PLEKHA5: variants seen among roughly 807,000 people sequenced by gnomAD.
PLEKHA5 encodes pleckstrin homology domain-containing family A member 5.
In PLEKHA5, 55 loss-of-function variants were observed where a neutral mutation model predicts 181.9. The ratio of observed to expected loss-of-function variants is 0.30; its 90% CI spans 0.24 to 0.38. PLEKHA5 has a LOEUF of 0.38. Ranked by LOEUF, PLEKHA5 falls within the 10% of genes least tolerant of loss-of-function variation. The pLI, the probability that PLEKHA5 is intolerant of heterozygous loss-of-function variation, is 1.00. For missense variants in PLEKHA5, 1,432 were observed against 1,549.5 expected (o/e 0.92, Z 1.27); for synonymous variants, 535 against 529.4 (o/e 1.01, Z -0.15).
At position 19,375,638 on chromosome 12, in the gene PLEKHA5, T is replaced by A. The variant is rs1283387531; in HGVS notation, c.*119T>A. The A allele has an allele frequency of 6.6e-6, 1 of 152,664 alleles. No individual in the cohort carries two copies. Among genetic ancestry groups the A allele is most frequent in the Non-Finnish European group, 1.5e-5 (1 of 68,046 alleles). 9.5% of individuals were successfully genotyped at this position (152,664 alleles called of 1,614,324 possible). A position where few individuals can be genotyped will look rare whatever the true frequency, so the allele number is the denominator to read the frequency against. On this transcript the variant is annotated 3_prime_UTR_variant, in exon 32 of 32. Coordinates refer to ENST00000429027, the MANE Select transcript of PLEKHA5 (RefSeq NM_001256470.2). ...AAATCTATGAAATTCATAGTTCTGATGCTTTTGGTCACAGAGCATCATTTT... is the reference window on the plus strand; with the variant it reads ...AAATCTATGAAATTCATAGTTCTGAAGCTTTTGGTCACAGAGCATCATTTT...
intron 15 of PLEKHA5, among the ~76,000 whole-genome samples, chr12:19,296,063 G>A (rs1043563185): frequency 1.3e-5 from 2 of 151,090 alleles, no homozygotes; most frequent in East Asian, 2.0e-4. Context: ...GTGAAACCTC[G>A]TCTCTACTAA....
chr12:19,375,127 C>T (rs2095684777), intron 31 of PLEKHA5, among the ~76,000 whole-genome samples: 1 of 151,882 alleles, frequency 6.6e-6, no homozygotes, highest in Admixed American at 6.6e-5. Context: ...GGTTCGAGAC[C>T]AGCCTGGCCA....
chr12:19,135,448 ATAT>A (rs2035334076), intron 3 of PLEKHA5, among the ~76,000 whole-genome samples: 1 of 152,114 alleles, frequency 6.6e-6, no homozygotes, highest in Admixed American at 6.5e-5. Context: ...GGGATTTATA[ATAT>A]TCTGGAAAAC....
chr12:19,254,162 A>C, intron 4 of PLEKHA5, 139 bp downstream of exon 4: 1 of 661,664 alleles, frequency 1.5e-6, no homozygotes, highest in African/African-American at 1.8e-5. Context: ...AGCTGTTCAC[A>C]ATGTGTCATA....
chr12:19,331,742 G>T (rs11044493), intron 20 of PLEKHA5, among the ~76,000 whole-genome samples: 81,305 of 151,946 alleles, frequency 0.54, 25,700 homozygotes, highest in Non-Finnish European at 0.73. Flanking sequence ...AAAAATCTTG[G>T]CCGGGCCTGC....
intron 3 of PLEKHA5, among the ~76,000 whole-genome samples, chr12:19,205,825 T>C (rs2055330571): frequency 6.6e-6 from 1 of 152,128 alleles, no homozygotes; most frequent in Non-Finnish European, 1.5e-5. Context: ...CTTTCACATT[T>C]CTATATTGTA....
intron 3 of PLEKHA5, among the ~76,000 whole-genome samples, chr12:19,132,897 A>C (rs2034408334): frequency 6.8e-6 from 1 of 147,486 alleles, no homozygotes; most frequent in African/African-American, 2.5e-5. Context: ...ATAACAAACA[A>C]AAAAAAATCT....
chr12:19,147,156 C>T (rs2039130346), intron 3 of PLEKHA5: 1 of 152,158 alleles, frequency 6.6e-6, no homozygotes, highest in Admixed American at 6.6e-5. Context: ...ATCATTTAGT[C>T]TTCCTCTTAT....
At chr12:19,328,842 T>C (rs1040554391) in intron 20 of PLEKHA5, among the ~76,000 whole-genome samples, 5 of 152,150 alleles carry the variant, frequency 3.3e-5, no homozygotes, top group Admixed American at 6.5e-5. Context: ...TCTTGCCTGA[T>C]TGCTCTGACT....
chr12:19,353,692 C>T (rs1029625883), intron 25 of PLEKHA5, among the ~76,000 whole-genome samples, 192 bp from the exon 26 acceptor site: 21 of 152,114 alleles, frequency 1.4e-4, no homozygotes, highest in Non-Finnish European at 2.2e-4. Context: ...CTCCTGACCT[C>T]AGGTCATCCG....
intron 3 of PLEKHA5, among the ~76,000 whole-genome samples, chr12:19,252,615 A>G (rs1336556350): frequency 6.6e-6 from 1 of 152,172 alleles, no homozygotes; most frequent in East Asian, 1.9e-4. Context: ...AAAAATAGTC[A>G]TAACTTAATT....
rs532710467 is a variant in PLEKHA5, at chr12:19,177,164, C to T, written c.227+44714C>T. On this transcript the variant is annotated intron_variant, in intron 3 of 31. Coordinates refer to ENST00000429027, the MANE Select transcript of PLEKHA5 (RefSeq NM_001256470.2). The stretch of plus-strand genomic sequence containing the variant: ...TACAGGTGTGAGCCACCACGCAGGG[C>T]CCACATATTTATCTTTTGTTTTTGT... Among the ~76,000 whole-genome samples, 11 of 152,222 alleles carry T rather than the reference C, an allele frequency of 7.2e-5. No individual in the cohort carries two copies. In the East Asian group the frequency reaches 2.1e-3, roughly 29 times the overall value.
In PLEKHA5 at chr12:19,292,776, T is replaced by TA. The variant is rs2078801447; in HGVS notation, c.2037+1084dup. The stretch of plus-strand genomic sequence containing the variant: ...CAACGTGGCGAAACACCGTCTCTAC[T>TA]AAAAATACAAAAACTAGCCGAGCAT... On this transcript the variant is annotated intron_variant, in intron 15 of 31. Transcript: ENST00000429027. 4.6e-5 allele frequency among the ~76,000 whole-genome samples: 7 copies of TA among 152,116 alleles called. No homozygotes were observed. In the South Asian group the frequency reaches 1.5e-3, roughly 32 times the overall value.
rs750923063 is a variant in PLEKHA5, at chr12:19,354,143, C to CTTTTTTTTTTTTTTTTTTTTT, written c.3138+147_3138+167dup. On this transcript the variant is annotated intron_variant, in intron 26 of 31. Transcript: ENST00000429027. ...TTAGTAATCTTAGTTATTCTTTATT[C>CTTTTTTTTTTTTTTTTTTTTT]TTTTTTTTTTTTTTTTTTTTTTTTT... 1.4e-4 allele frequency: 10 copies of CTTTTTTTTTTTTTTTTTTTTT among 73,892 alleles called. 3 individuals carry two copies. The highest frequency in any genetic ancestry group is 5.7e-4 in the Admixed American group (2 of 3,504). 4.6% of individuals were successfully genotyped at this position (73,892 alleles called of 1,614,324 possible). A position where few individuals can be genotyped will look rare whatever the true frequency, so the allele number is the denominator to read the frequency against.
chr12:19,315,553 G>T (rs1057243488), intron 16 of PLEKHA5, among the ~76,000 whole-genome samples: 1 of 152,114 alleles, frequency 6.6e-6, no homozygotes, highest in South Asian at 2.1e-4. Flanking sequence ...ATCTGCAAAA[G>T]AAGTCATATG....
At chr12:19,339,121 A>G (rs903587438) in intron 21 of PLEKHA5, among the ~76,000 whole-genome samples, 1 of 150,106 alleles carries the variant, frequency 6.7e-6, no homozygotes, top group African/African-American at 2.5e-5. Flanking sequence ...GCTCACTGCA[A>G]CCTCCGCCTC....
chr12:19,359,261 T>C (rs2153230929), intron 27 of PLEKHA5, 151 bp from the exon 28 acceptor site: 1 of 582,918 alleles, frequency 1.7e-6, no homozygotes, highest in Non-Finnish European at 3.0e-6. Flanking sequence ...TAGTGCTATA[T>C]ATATAAATTT....
At chr12:19,259,285 T>C (rs1244834903) in intron 6 of PLEKHA5, among the ~76,000 whole-genome samples, 3 of 152,032 alleles carry the variant, frequency 2.0e-5, no homozygotes, top group African/African-American at 7.2e-5. Flanking sequence ...GGAGGATCAC[T>C]TGAGCCCAGG....
chr12:19,270,142 A>G, intron 9 of PLEKHA5, 46 bp from the exon 10 acceptor site: 1 of 1,253,522 alleles, frequency 8.0e-7, no homozygotes, highest in South Asian at 1.5e-5. Flanking sequence ...TACTGGGGTG[A>G]ATCCAGAATC....
Sources: allele counts gnomAD v4.1 joint callset (sites outside exome capture counted in the v4.1 genomes callset), GRCh38; gene constraint gnomAD v4.1.1; transcripts MANE v1.5; gene names NCBI Gene and HGNC (gene_info 2026-07-23, HGNC 2026-07-21).